COL14A1: variants seen among roughly 807,000 people sequenced by gnomAD.
The protein encoded by COL14A1 is collagen type XIV alpha 1 chain, also known as collagen alpha-1(XIV) chain.
COL14A1 carries 136 observed loss-of-function variants against 230.3 expected under a neutral mutation model. That is an observed-to-expected ratio of 0.59 (90% confidence interval 0.51 to 0.68). The LOEUF is 0.68. Among genes scored for constraint, COL14A1 ranks in the 30% least tolerant of loss-of-function variants. COL14A1 has a pLI of 0.00. For synonymous variants in COL14A1, 792 were observed against 784.1 expected (o/e 1.01, Z -0.17); for missense variants, 1,976 against 2,215.8 (o/e 0.89, Z 2.17).
intron 46 of COL14A1, among the ~76,000 whole-genome samples, 154 bp from the exon 47 acceptor site, chr8:120,369,176 C>A (rs1012566515): frequency 2.6e-5 from 4 of 152,196 alleles, no homozygotes; most frequent in East Asian, 3.9e-4. Context: ...CCTAGGGAAT[C>A]CAGTCTACAA....
Position 120,227,356 on chromosome 8 carries a change from A to G in COL14A1, c.2137+4A>G. The G allele has an allele frequency of 6.2e-7, 1 of 1,613,304 alleles. No individual in the cohort carries two copies. The highest frequency in any genetic ancestry group is 1.1e-5 in the South Asian group (1 of 91,024). On this transcript the variant is annotated splice_donor_region_variant and intron_variant, in intron 17 of 47. Coordinates refer to ENST00000297848, the MANE Select transcript of COL14A1 (RefSeq NM_021110.4). The stretch of plus-strand genomic sequence containing the variant: ...GTGACTGCTGTCGGGACCACACGTA[A>G]GTCTTGGTCTGGCCACAGTGCGTTT...
intron 41 of COL14A1, 125 bp from the exon 42 acceptor site, chr8:120,332,539 G>A (rs1821906933): frequency 6.5e-6 from 5 of 773,696 alleles, no homozygotes; most frequent in Non-Finnish European, 1.1e-5. Context: ...CAGGAATGAG[G>A]TCCTGGTGAT....
chr8:120,196,870 C>T lies in COL14A1; in HGVS notation c.516C>T (p.Phe172=). 6.2e-7 allele frequency: 1 copy of T among 1,614,098 alleles called. No homozygotes were observed. Among genetic ancestry groups the T allele is most frequent in the Non-Finnish European group, 8.5e-7 (1 of 1,179,994 alleles). ...ATGGTTCATGGAGTATTGGAAGATTCAACTTCAGACTGGTTCGGCATTTCT... is the reference window on the plus strand; with the variant it reads ...ATGGTTCATGGAGTATTGGAAGATTTAACTTCAGACTGGTTCGGCATTTCT... The part of the protein sequence containing the change: ...LVDGSWSIGR[F]NFRLVRHFLE... The change falls in exon 6 of 48, where the codon TTC becomes TTT. Residue 172 remains phenylalanine, a synonymous_variant. Transcript: ENST00000297848.
intron 40 of COL14A1, among the ~76,000 whole-genome samples, chr8:120,323,534 GT>G (rs1466454508): frequency 6.6e-6 from 1 of 152,018 alleles, no homozygotes; most frequent in Non-Finnish European, 1.5e-5. Context: ...GTCTTCCAGG[GT>G]TTTTATAGTT....
chr8:120,194,436 C>G (rs143911417), intron 5 of COL14A1, among the ~76,000 whole-genome samples: 2,808 of 152,202 alleles, frequency 0.018, 39 homozygotes, highest in Non-Finnish European at 0.028. Context: ...TGACCATACC[C>G]CACACTTATG....
At position 120,227,245 on chromosome 8, in the gene COL14A1, C is replaced by T. The variant is rs151291727; in HGVS notation, c.2030C>T (p.Ser677Leu). 2 of 1,613,884 alleles carry T rather than the reference C, an allele frequency of 1.2e-6. No individual in the cohort carries two copies. The highest frequency in any genetic ancestry group is 1.7e-6 in the Non-Finnish European group (2 of 1,179,928). Residue 677 changes from serine to leucine, a missense_variant, in exon 17 of 48, where the codon TCA becomes TTA. Coordinates refer to ENST00000297848, the MANE Select transcript of COL14A1 (RefSeq NM_021110.4). ...EEVVLKEEQD[S>L]HVIEGLEPGT... The stretch of plus-strand genomic sequence containing the variant: ...GTTGTCCTGAAAGAAGAGCAGGACT[C>T]ACATGTTATTGAAGGCCTGGAGCCC...
At chr8:120,288,456 G>A (rs1225291161) in intron 33 of COL14A1, among the ~76,000 whole-genome samples, 1 of 152,074 alleles carries the variant, frequency 6.6e-6, no homozygotes, top group East Asian at 1.9e-4. Flanking sequence ...AAAATTAAAA[G>A]TAACACTATC....
intron 25 of COL14A1, chr8:120,267,136 A>G: frequency 2.4e-6 from 1 of 423,908 alleles, no homozygotes; most frequent in Non-Finnish European, 4.2e-6. Flanking sequence ...AGCAGTTAAC[A>G]TTCATTAAGG....
intron 25 of COL14A1, among the ~76,000 whole-genome samples, chr8:120,268,392 C>CAT (rs1472157408): frequency 4.2e-4 from 64 of 151,612 alleles, no homozygotes; most frequent in Admixed American, 7.2e-4. Context: ...TTACAGAATG[C>CAT]TCTGTAATAT....
chr8:120,370,976 A>G (rs905870381), intron 47 of COL14A1, 176 bp from the exon 48 acceptor site: 19 of 1,087,662 alleles, frequency 1.7e-5, no homozygotes, highest in Middle Eastern at 2.6e-4. Context: ...CCCTTCGTCT[A>G]TTTACTAACT....
chr8:120,323,614 C>T (rs968494482), intron 40 of COL14A1, among the ~76,000 whole-genome samples: 8 of 152,078 alleles, frequency 5.3e-5, no homozygotes, highest in African/African-American at 2.4e-5. Flanking sequence ...GGAAGGGGTC[C>T]GGTTTCAATC....
intron 3 of COL14A1, among the ~76,000 whole-genome samples, chr8:120,161,778 C>T (rs1309097162): frequency 4.6e-5 from 7 of 152,110 alleles, no homozygotes; most frequent in African/African-American, 1.4e-4. Flanking sequence ...ATTGTCCTGC[C>T]GCAGCCTCCT....
chr8:120,155,143 A>G (rs1815426402), intron 2 of COL14A1, among the ~76,000 whole-genome samples: 1 of 152,196 alleles, frequency 6.6e-6, no homozygotes, highest in Admixed American at 6.5e-5. Flanking sequence ...TCTATAGGCA[A>G]TAGATGTGGT....
At chr8:120,308,324 A>G (rs1316668229) in intron 36 of COL14A1, among the ~76,000 whole-genome samples, 1 of 152,234 alleles carries the variant, frequency 6.6e-6, no homozygotes, top group Non-Finnish European at 1.5e-5. Flanking sequence ...GAATAAAACT[A>G]CTTAAATTTC....
chr8:120,190,927 T>G (rs1485406935), intron 5 of COL14A1, among the ~76,000 whole-genome samples: 8 of 151,040 alleles, frequency 5.3e-5, no homozygotes, highest in Non-Finnish European at 4.4e-5. Context: ...TATTTGATTC[T>G]TCTCTCTTTT....
intron 22 of COL14A1, among the ~76,000 whole-genome samples, chr8:120,254,883 T>C (rs747109700): frequency 6.6e-6 from 1 of 151,266 alleles, no homozygotes; most frequent in Non-Finnish European, 1.5e-5. Context: ...TCCCAACTAC[T>C]TGGAAGGCTG....
In COL14A1 at chr8:120,247,619, C is replaced by T; in HGVS notation, c.2486C>T (p.Ser829Phe). The change falls in exon 21 of 48, where the codon TCC becomes TTC. Residue 829 changes from serine to phenylalanine, a missense_variant. This residue lies in a region of COL14A1 where 1,791 missense variants were observed against 2,019.5 expected (regional missense o/e 0.89). Coordinates refer to ENST00000297848, the MANE Select transcript of COL14A1 (RefSeq NM_021110.4). ...CCTTTTCTTTTCTACTCAGTACCATCCTCGGGGCCCCAGAACTTGCGGGTG... is the reference window on the plus strand; with the variant it reads ...CCTTTTCTTTTCTACTCAGTACCATTCTCGGGGCCCCAGAACTTGCGGGTG... ...SVSAPGKTLP[S>F]SGPQNLRVSE... is the part of the protein sequence containing the mutation. 3.7e-6 allele frequency: 6 copies of T among 1,613,970 alleles called. No homozygotes were observed. Among genetic ancestry groups the T allele is most frequent in the Non-Finnish European group, 5.1e-6 (6 of 1,179,966 alleles).
chr8:120,189,753 C>T lies in COL14A1; in HGVS notation c.437-7038C>T, dbSNP rs575290333. 6.7e-5 allele frequency among the ~76,000 whole-genome samples: 10 copies of T among 149,770 alleles called. No individual in the cohort carries two copies. The South Asian group carries it at 1.1e-3, about 16-fold the overall frequency. ...TGCGGTGTTTGGTTTTTTGTCCTTG[C>T]GATAGTTTACTGAGAATGATGATTT... On this transcript the variant is annotated intron_variant, in intron 5 of 47. Transcript: ENST00000297848.
At chr8:120,270,648 G>A (rs530932951) in intron 26 of COL14A1, among the ~76,000 whole-genome samples, 3 of 151,638 alleles carry the variant, frequency 2.0e-5, no homozygotes, top group Non-Finnish European at 3.0e-5. Context: ...CTCTAATTTT[G>A]TGGGGCTCAT....
Sources: allele counts gnomAD v4.1 joint callset (sites outside exome capture counted in the v4.1 genomes callset), GRCh38; gene constraint gnomAD v4.1.1; regional missense constraint gnomAD v4.1.1; transcripts MANE v1.5; gene names NCBI Gene and HGNC (gene_info 2026-07-23, HGNC 2026-07-21).